The following ERC1 variants were observed in gnomAD, a reference collection of about 807,000 sequenced individuals.
The protein encoded by ERC1 is RAB6 interacting protein 2.
Under a neutral mutation model 132.0 loss-of-function variants are expected in ERC1, and 56 were observed. The ratio of observed to expected loss-of-function variants is 0.42; its 90% confidence interval spans 0.34 to 0.53. ERC1 has a LOEUF of 0.53. Ranked by LOEUF, ERC1 falls within the 20% of genes least tolerant of loss-of-function variation. ERC1 has a pLI of 0.03. For synonymous variants in ERC1, 478 were observed against 476.1 expected (o/e 1.00, Z -0.05); for missense variants, 1,202 against 1,349.9 (o/e 0.89, Z 1.72).
intron 15 of ERC1, among the ~76,000 whole-genome samples, chr12:1,364,532 A>G (rs1448662223): frequency 1.3e-5 from 2 of 152,120 alleles, no homozygotes; most frequent in East Asian, 3.9e-4. Flanking sequence ...CTTCTCTGCC[A>G]TTTCCTGTCC....
chr12:1,198,904 T>A (rs184608945), intron 12 of ERC1, among the ~76,000 whole-genome samples: 97 of 149,500 alleles, frequency 6.5e-4, no homozygotes, highest in Non-Finnish European at 1.0e-3. Context: ...ATCCAGTCAC[T>A]TCCCACCAGG....
chr12:1,242,199 C>T (rs566029295), intron 13 of ERC1, among the ~76,000 whole-genome samples: 1 of 152,222 alleles, frequency 6.6e-6, no homozygotes, highest in South Asian at 2.1e-4. Flanking sequence ...ACGTCATTAA[C>T]TTTATCTCAA....
intron 14 of ERC1, among the ~76,000 whole-genome samples, chr12:1,288,244 C>A (rs1039553092): frequency 6.6e-6 from 1 of 152,144 alleles, no homozygotes; most frequent in Non-Finnish European, 1.5e-5. Flanking sequence ...AAATACATAT[C>A]CCAGTATATT....
intron 16 of ERC1, among the ~76,000 whole-genome samples, chr12:1,384,345 A>ATCTC (rs2089067917): frequency 6.6e-6 from 1 of 152,230 alleles, no homozygotes; most frequent in Non-Finnish European, 1.5e-5. Flanking sequence ...ACAGCAGAGG[A>ATCTC]GAGGGTAAAA....
In ERC1 at chr12:1,244,502, GTTTGTTT is replaced by G. The variant is rs773451425; in HGVS notation, c.2487+7599_2487+7605del. 8.5e-3 allele frequency: 1,792 copies of G among 211,626 alleles called. 35 individuals are homozygous for G. In the African/African-American group the frequency reaches 0.15, roughly 18 times the overall value. 13.1% of individuals were successfully genotyped at this position (211,626 alleles called of 1,614,324 possible). A position where few individuals can be genotyped will look rare whatever the true frequency, so the allele number is the denominator to read the frequency against. On this transcript the variant is annotated intron_variant, in intron 13 of 18. Transcript: ENST00000360905. ...TTAAGTGTTTTGTACTTAATGGTTT[GTTTGTTT>G]GTTTGTTTGTTTGTTTGTTTGTTTG... is the stretch of plus-strand genomic sequence containing the variant.
chr12:1,317,038 G>A (rs2081789542), intron 15 of ERC1, among the ~76,000 whole-genome samples: 1 of 152,000 alleles, frequency 6.6e-6, no homozygotes, highest in Admixed American at 6.6e-5. Context: ...GCAGGCACCT[G>A]TAATCCCAGC....
intron 17 of ERC1, among the ~76,000 whole-genome samples, chr12:1,418,666 T>TTTCTTTCTTTCTTTC (rs1555077126): frequency 1.8e-4 from 16 of 86,778 alleles, no homozygotes; most frequent in Admixed American, 3.8e-4. Context: ...TCTCTCTTTC[T>TTTCTTTCTTTCTTTC]TTTCTTTCTT....
chr12:1,119,313 G>A (rs960980264), intron 7 of ERC1, among the ~76,000 whole-genome samples: 1 of 151,512 alleles, frequency 6.6e-6, no homozygotes, highest in African/African-American at 2.4e-5. Context: ...GCCCTCTGGT[G>A]TTATACAAGG....
intron 15 of ERC1, among the ~76,000 whole-genome samples, chr12:1,293,345 C>T (rs564267669): frequency 4.1e-5 from 6 of 147,790 alleles, no homozygotes; most frequent in East Asian, 4.0e-4. Context: ...CCCAGCTACT[C>T]GGGAGGCTGA....
rs999980795 is a variant in ERC1, at chr12:1,103,637, G to A, written c.1087-1113G>A. 3.3e-5 allele frequency among the ~76,000 whole-genome samples: 5 copies of A among 152,288 alleles called. 1 individual carries two copies. The highest frequency in any genetic ancestry group is 2.6e-4 in the Admixed American group (4 of 15,300). The stretch of plus-strand genomic sequence containing the variant: ...GATTTCCTGACTGCGGCTTGAGAGC[G>A]AAAGGAAGGCATTAAGAAGACTCAT... On this transcript the variant is annotated intron_variant, in intron 3 of 18. Coordinates refer to ENST00000360905, the MANE Select transcript of ERC1 (RefSeq NM_178040.4).
chr12:1,027,991 T>G lies in ERC1; in HGVS notation c.88T>G (p.Leu30Val), dbSNP rs778200446. The change falls in exon 2 of 19, where the codon TTG (leucine) becomes GTG (valine). Residue 30 changes from leucine to valine, a missense_variant. By Grantham distance (32) the Leu-to-Val change is conservative (BLOSUM62 1). Coordinates refer to ENST00000360905, the MANE Select transcript of ERC1 (RefSeq NM_178040.4). Reference sequence around the variant, plus strand: ...ACCCAGGCTTCCACGTTCCCCTCGCTTGGGTCACCGTCGAACCAACAGTAC... The same window carrying G: ...ACCCAGGCTTCCACGTTCCCCTCGCGTGGGTCACCGTCGAACCAACAGTAC... ...RSPRLPRSPR[L>V]GHRRTNSTGG... The G allele has an allele frequency of 6.2e-7, 1 of 1,614,174 alleles. No individual in the cohort carries two copies. The highest frequency in any genetic ancestry group is 2.2e-5 in the East Asian group (1 of 44,890).
chr12:1,002,679 A>G (rs552575950), intron 1 of ERC1, among the ~76,000 whole-genome samples: 100 of 152,232 alleles, frequency 6.6e-4, no homozygotes, highest in African/African-American at 1.4e-3. Flanking sequence ...ATCTTTGCCA[A>G]TACTTAGTAT....
chr12:998,514 C>T (rs953326199), intron 1 of ERC1: 7 of 152,130 alleles, frequency 4.6e-5, no homozygotes, highest in East Asian at 1.9e-4. Context: ...TTTCTGCGTA[C>T]GACTACTTAA....
chr12:1,234,786 T>C (rs2075301246), intron 12 of ERC1, among the ~76,000 whole-genome samples: 1 of 152,300 alleles, frequency 6.6e-6, no homozygotes, highest in South Asian at 2.1e-4. Flanking sequence ...ATAGAAACTT[T>C]GTACACACCA....
chr12:1,171,002 A>G (rs776992141), intron 8 of ERC1, among the ~76,000 whole-genome samples: 11 of 152,222 alleles, frequency 7.2e-5, no homozygotes, highest in Non-Finnish European at 1.5e-4. Context: ...AGATGTTACT[A>G]GTCTTTTGTT....
At chr12:1,127,779 G>A (rs551715307) in intron 7 of ERC1, among the ~76,000 whole-genome samples, 2 of 152,030 alleles carry the variant, frequency 1.3e-5, no homozygotes, top group African/African-American at 2.4e-5. Context: ...TTGAAGGAGG[G>A]ATGGGTATTG....
chr12:1,273,086 A>G (rs961527083), intron 14 of ERC1, among the ~76,000 whole-genome samples: 29 of 151,100 alleles, frequency 1.9e-4, no homozygotes, highest in African/African-American at 7.1e-4. Context: ...GAAGGGAGGG[A>G]GGGGAAAAAT....
At chr12:1,209,403 ATTT>A (rs11361651) in intron 12 of ERC1, among the ~76,000 whole-genome samples, 21 of 141,806 alleles carry the variant, frequency 1.5e-4, no homozygotes, top group Non-Finnish European at 2.0e-4. Flanking sequence ...TCTTCATAGC[ATTT>A]TTTTTTTTTT....
intron 15 of ERC1, among the ~76,000 whole-genome samples, chr12:1,354,815 G>C (rs1265118446): frequency 6.6e-6 from 1 of 152,078 alleles, no homozygotes; most frequent in Non-Finnish European, 1.5e-5. Context: ...GCTAGTTTTT[G>C]TGTTTTTGTA....
Sources: allele counts gnomAD v4.1 joint callset (sites outside exome capture counted in the v4.1 genomes callset), GRCh38; gene constraint gnomAD v4.1.1; transcripts MANE v1.5; gene names NCBI Gene and HGNC (gene_info 2026-07-23, HGNC 2026-07-21).